DSE: variants seen among roughly 807,000 people sequenced by gnomAD.
The protein encoded by DSE is dermatan sulfate epimerase.
In DSE, 36 loss-of-function variants were observed where a neutral mutation model predicts 84.4. The ratio of observed to expected loss-of-function variants is 0.43; its 90% CI spans 0.33 to 0.56. The LOEUF is 0.56. Among genes scored for constraint, DSE ranks in the 20% least tolerant of loss-of-function variants. The probability of loss-of-function intolerance (pLI) is 0.06; values close to 1 mark genes in which losing one functional copy is unlikely to be tolerated. For synonymous variants in DSE, 410 were observed against 430.1 expected, an observed-to-expected ratio of 0.95 and a Z score of 0.58; for missense variants, 862 against 1,169.6, an observed-to-expected ratio of 0.74 and a Z score of 3.84.
chr6:116,262,720 A>T (rs567263906), intron 2 of DSE, among the ~76,000 whole-genome samples: 1 of 152,266 alleles, frequency 6.6e-6, no homozygotes, highest in African/African-American at 2.4e-5. Flanking sequence ...TTAACTTAAG[A>T]TCTTTCTAAC....
intron 2 of DSE, chr6:116,276,433 T>A (rs1257797620): frequency 6.6e-6 from 1 of 152,212 alleles, no homozygotes; most frequent in Non-Finnish European, 1.5e-5. Flanking sequence ...CAGTTGCAAC[T>A]GCTAACGTTT....
chr6:116,432,022 C>T (rs1276914217), intron 4 of DSE, among the ~76,000 whole-genome samples: 4 of 152,120 alleles, frequency 2.6e-5, no homozygotes, highest in South Asian at 4.1e-4. Context: ...TTAATAGAAT[C>T]TCCATTATTG....
chr6:116,296,970 G>C (rs1774704332), intron 2 of DSE, among the ~76,000 whole-genome samples: 1 of 152,146 alleles, frequency 6.6e-6, no homozygotes, highest in Admixed American at 6.6e-5. Context: ...AGTTGAGGCA[G>C]GAAAGCTGCT....
rs190869164 is a variant in DSE, at chr6:116,336,990, T to C, written c.-53-62208T>C. Reference sequence around the variant, plus strand: ...CAAAACAGCATGACTATAATGAGAATAGTTAATCATAGTGATTTATTAATA... The same window carrying C: ...CAAAACAGCATGACTATAATGAGAACAGTTAATCATAGTGATTTATTAATA... On this transcript the variant is annotated intron_variant, in intron 2 of 3. Coordinates refer to the DSE transcript ENST00000430252. Among the ~76,000 whole-genome samples the C allele has an allele frequency of 3.4e-4, 52 of 152,318 alleles. 1 individual carries two copies. The highest frequency in any genetic ancestry group is 4.7e-4 in the Non-Finnish European group (32 of 68,030).
intron 2 of DSE, among the ~76,000 whole-genome samples, chr6:116,352,507 A>G (rs1021964503): frequency 9.2e-5 from 14 of 152,170 alleles, no homozygotes; most frequent in Middle Eastern, 3.2e-3. Flanking sequence ...TTGTGCTTGG[A>G]GCAGTGGTTC....
At position 116,440,656 on chromosome 6, in the gene DSE, C is replaced by T. The variant is rs978997794; in HGVS notation, c.*3311C>T. On this transcript the variant is annotated 3_prime_UTR_variant, in exon 6 of 6. Coordinates refer to ENST00000644252, the MANE Select transcript of DSE (RefSeq NM_013352.4). ...TATGAGGGGCATGTAATTTATCTTC[C>T]GACTGGAGATACCTTTGAGAGTTAA... 4 of 152,078 alleles carry T rather than the reference C, an allele frequency of 2.6e-5. No individual in the cohort carries two copies. The highest frequency in any genetic ancestry group is 1.9e-4 in the East Asian group (1 of 5,200). 9.4% of individuals were successfully genotyped at this position (152,078 alleles called of 1,614,324 possible). A position where few individuals can be genotyped will look rare whatever the true frequency, so the allele number is the denominator to read the frequency against.
Position 116,315,644 on chromosome 6 carries a change from A to G in DSE, c.-54+56677A>G, listed in dbSNP as rs546298775. On this transcript the variant is annotated intron_variant, in intron 2 of 3. Coordinates refer to the DSE transcript ENST00000430252. ...TATACTGACTAAAATTAGGCAACCA[A>G]TGGCTTCCAAGCCATGGTTCATCAT... 6.6e-5 allele frequency among the ~76,000 whole-genome samples: 10 copies of G among 152,312 alleles called. No homozygotes were observed. The South Asian group carries it at 2.1e-3, about 32-fold the overall frequency.
At chr6:116,347,082 A>G (rs1001452380) in intron 2 of DSE, among the ~76,000 whole-genome samples, 1 of 152,190 alleles carries the variant, frequency 6.6e-6, no homozygotes, top group African/African-American at 2.4e-5. Context: ...AGGACTTCTT[A>G]TGGAGAACTA....
Position 116,431,002 on chromosome 6 carries a change from T to C in DSE, c.719T>C (p.Met240Thr), listed in dbSNP as rs888081089. ...TGGACCAAACAAGTTCTGACCATCATGGAGAAATCTCTGGTCTTGCTCAGG... is the reference window on the plus strand; with the variant it reads ...TGGACCAAACAAGTTCTGACCATCACGGAGAAATCTCTGGTCTTGCTCAGG... ...YLWTKQVLTI[M>T]EKSLVLLREV... is the part of the protein sequence containing the mutation. The change falls in exon 4 of 6, where the codon ATG becomes ACG. Residue 240 changes from methionine to threonine, a missense_variant. Physicochemically the swap from Met to Thr is moderately conservative, Grantham distance 81. Coordinates refer to ENST00000644252, the MANE Select transcript of DSE (RefSeq NM_013352.4). 2 of 1,614,048 alleles carry C rather than the reference T, an allele frequency of 1.2e-6. No homozygotes were observed. Among genetic ancestry groups the C allele is most frequent in the Non-Finnish European group, 1.7e-6 (2 of 1,180,044 alleles).
chr6:116,386,872 C>T (rs929023723), intron 1 of DSE, among the ~76,000 whole-genome samples: 5 of 152,176 alleles, frequency 3.3e-5, no homozygotes, highest in Non-Finnish European at 2.9e-5. Context: ...TCCCATTTAA[C>T]ATAGTAGATC....
intron 2 of DSE, among the ~76,000 whole-genome samples, chr6:116,318,430 C>G (rs538615968): frequency 2.0e-5 from 3 of 151,926 alleles, no homozygotes; most frequent in African/African-American, 7.3e-5. Context: ...GGCATGAACC[C>G]GGGCCAAGCT....
chr6:116,390,614 G>A (rs1009831621), intron 1 of DSE, among the ~76,000 whole-genome samples: 23 of 152,182 alleles, frequency 1.5e-4, no homozygotes, highest in African/African-American at 5.5e-4. Context: ...ATTTAGAATA[G>A]TGTATTCTAA....
At chr6:116,334,602 C>T (rs1777133653) in intron 2 of DSE, among the ~76,000 whole-genome samples, 1 of 152,152 alleles carries the variant, frequency 6.6e-6, no homozygotes, top group African/African-American at 2.4e-5. Flanking sequence ...TTTGCCCATT[C>T]CTACGTCCAG....
chr6:116,302,284 C>G (rs1213184372), intron 2 of DSE, among the ~76,000 whole-genome samples: 6 of 152,230 alleles, frequency 3.9e-5, no homozygotes, highest in Non-Finnish European at 1.5e-5. Context: ...TCTCCACATC[C>G]TCTCCAGCAT....
intron 2 of DSE, among the ~76,000 whole-genome samples, chr6:116,310,356 G>T (rs1052714979): frequency 6.6e-6 from 1 of 151,740 alleles, no homozygotes; most frequent in Admixed American, 6.6e-5. Flanking sequence ...ATAAATCCTG[G>T]GTAGGCAAAA....
chr6:116,351,775 C>T (rs1778324683), intron 2 of DSE, among the ~76,000 whole-genome samples: 1 of 152,164 alleles, frequency 6.6e-6, no homozygotes, highest in African/African-American at 2.4e-5. Flanking sequence ...ATAGTCTTTT[C>T]TGTCATCAGA....
At chr6:116,343,570 T>G (rs1777754817) in intron 2 of DSE, among the ~76,000 whole-genome samples, 1 of 152,226 alleles carries the variant, frequency 6.6e-6, no homozygotes, top group South Asian at 2.1e-4. Context: ...CCAACAGACC[T>G]GCAGCTGAGG....
chr6:116,380,157 C>A (rs909389246), intron 1 of DSE, among the ~76,000 whole-genome samples: 2 of 152,088 alleles, frequency 1.3e-5, no homozygotes, highest in Admixed American at 1.3e-4. Context: ...TACTTTTGAA[C>A]TTGGAGAGTC....
chr6:116,269,043 C>T (rs946776147), intron 2 of DSE, among the ~76,000 whole-genome samples: 1 of 151,354 alleles, frequency 6.6e-6, no homozygotes, highest in Admixed American at 6.6e-5. Context: ...AAAAAAAAAC[C>T]TCATATGCTC....
Sources: gnomAD v4.1 joint callset for allele counts (sites outside exome capture counted in the v4.1 genomes callset) on GRCh38, gnomAD v4.1.1 for gene constraint, MANE v1.5 for transcripts, NCBI Gene and HGNC (gene_info 2026-07-23, HGNC 2026-07-21) for gene names.